FBXO16: variants seen among roughly 807,000 people sequenced by gnomAD.
FBXO16 encodes F-box only protein 16.
FBXO16 carries 31 observed loss-of-function variants against 41.0 expected under a neutral mutation model. The ratio of observed to expected loss-of-function variants is 0.76; its 90% CI spans 0.57 to 1.02. The LOEUF is 1.02. Ranked by LOEUF, FBXO16 falls within the 50% of genes least tolerant of loss-of-function variation. The pLI, the probability that FBXO16 is intolerant of heterozygous loss-of-function variation, is 0.00. For synonymous variants in FBXO16, 133 were observed against 117.8 expected (o/e 1.13, Z -0.84); for missense variants, 361 against 346.2 (o/e 1.04, Z -0.34).
intron 2 of FBXO16, among the ~76,000 whole-genome samples, chr8:28,479,636 T>A (rs1803480106): frequency 6.6e-6 from 1 of 152,224 alleles, no homozygotes; most frequent in Non-Finnish European, 1.5e-5. Flanking sequence ...GCAGATAAAC[T>A]GTTATATAAA....
At chr8:28,474,141 T>C (rs1032478146) in intron 2 of FBXO16, among the ~76,000 whole-genome samples, 3 of 151,594 alleles carry the variant, frequency 2.0e-5, no homozygotes, top group Non-Finnish European at 2.9e-5. Flanking sequence ...CTGGGCAACA[T>C]GGTGAGACTC....
chr8:28,445,555 G>T (rs1802850568), intron 7 of FBXO16, among the ~76,000 whole-genome samples: 1 of 152,086 alleles, frequency 6.6e-6, no homozygotes, highest in African/African-American at 2.4e-5. Context: ...CGACATAATG[G>T]CCCATGTGAT....
chr8:28,435,327 T>C (rs575943297), intron 7 of FBXO16, among the ~76,000 whole-genome samples: 2 of 152,154 alleles, frequency 1.3e-5, no homozygotes, highest in South Asian at 2.1e-4. Context: ...CCTACCACCA[T>C]ACCCAGCTAA....
chr8:28,457,041 G>C lies in FBXO16; in HGVS notation c.343-111C>G, dbSNP rs991862565. On this transcript the variant is annotated intron_variant, in intron 4 of 8. Coordinates refer to ENST00000380254, the MANE Select transcript of FBXO16 (RefSeq NM_172366.4). ...ATCCTGGACCTGAGAAAACTTTTTTGTCCTTTGCCTCCAAACCATAGCTTA... is the reference window on the plus strand; with the variant it reads ...ATCCTGGACCTGAGAAAACTTTTTTCTCCTTTGCCTCCAAACCATAGCTTA... The C allele has an allele frequency of 3.1e-5, 36 of 1,164,562 alleles. No homozygotes were observed. In the South Asian group the frequency reaches 6.0e-4, roughly 19 times the overall value. 72.1% of individuals were successfully genotyped at this position (1,164,562 alleles called of 1,614,324 possible).
At chr8:28,452,132 T>G in intron 6 of FBXO16, 112 bp downstream of exon 6, 1 of 1,068,856 alleles carries the variant, frequency 9.4e-7, no homozygotes, top group Non-Finnish European at 1.3e-6. Flanking sequence ...TTCTATGTAC[T>G]GAAAAGCTTT....
chr8:28,433,041 A>G (rs1174959168), intron 7 of FBXO16, among the ~76,000 whole-genome samples: 1 of 150,984 alleles, frequency 6.6e-6, no homozygotes, highest in African/African-American at 2.5e-5. Flanking sequence ...AGCCTCGGCG[A>G]CAGAGTGAGA....
chr8:28,434,022 A>G (rs1222840455), intron 7 of FBXO16, among the ~76,000 whole-genome samples: 2 of 143,008 alleles, frequency 1.4e-5, no homozygotes, highest in Non-Finnish European at 3.0e-5. Context: ...GTGCAGTGGC[A>G]CGATCTCAGC....
At chr8:28,489,873 G>A (rs1229773998) in intron 1 of FBXO16, among the ~76,000 whole-genome samples, 1 of 152,160 alleles carries the variant, frequency 6.6e-6, no homozygotes, top group Non-Finnish European at 1.5e-5. Context: ...CATCAGACAA[G>A]GGAATCTCAA....
chr8:28,441,585 A>T (rs1802775441), intron 7 of FBXO16, among the ~76,000 whole-genome samples: 1 of 151,856 alleles, frequency 6.6e-6, no homozygotes, highest in Admixed American at 6.6e-5. Flanking sequence ...AAAATACAAA[A>T]ATTAGCCAAG....
chr8:28,454,285 CA>C (rs1461237240), intron 5 of FBXO16, among the ~76,000 whole-genome samples: 2 of 151,870 alleles, frequency 1.3e-5, no homozygotes, highest in Non-Finnish European at 1.5e-5. Context: ...AATGGACATT[CA>C]TTTCATTTCC....
At chr8:28,469,040 G>A (rs951228034) in intron 3 of FBXO16, among the ~76,000 whole-genome samples, 1 of 152,102 alleles carries the variant, frequency 6.6e-6, no homozygotes, top group African/African-American at 2.4e-5. Context: ...CGGGCATGGT[G>A]GCTTATGCCT....
At chr8:28,432,110 G>A (rs1450270790) in intron 7 of FBXO16, among the ~76,000 whole-genome samples, 10 of 149,404 alleles carry the variant, frequency 6.7e-5, no homozygotes, top group African/African-American at 2.5e-4. Context: ...CACTATATAT[G>A]TGAGAGGCTA....
At chr8:28,467,029 T>G (rs1240699092) in intron 3 of FBXO16, among the ~76,000 whole-genome samples, 1 of 152,134 alleles carries the variant, frequency 6.6e-6, no homozygotes, top group African/African-American at 2.4e-5. Flanking sequence ...ACAGCCTCGA[T>G]CTCCTGGGCT....
chr8:28,468,971 A>G (rs897506289), intron 3 of FBXO16, among the ~76,000 whole-genome samples: 16 of 152,164 alleles, frequency 1.1e-4, no homozygotes. Context: ...AGTGTTCAAA[A>G]GTTTGATGTT....
intron 6 of FBXO16, chr8:28,447,561 G>C (rs572587304): frequency 2.6e-4 from 94 of 359,744 alleles, no homozygotes; most frequent in African/African-American, 1.8e-3. Flanking sequence ...GGGTGGATGA[G>C]ACGGTATGTA....
intron 4 of FBXO16, among the ~76,000 whole-genome samples, chr8:28,463,136 GTGTGTGTGTGTA>G (rs1803164218): frequency 6.6e-6 from 1 of 151,798 alleles, no homozygotes; most frequent in African/African-American, 2.4e-5. Flanking sequence ...TCTTAGTTTT[GTGTGTGTGTGTA>G]TGTTTGTGTG....
chr8:28,434,177 T>A (rs975254514), intron 7 of FBXO16, among the ~76,000 whole-genome samples: 2 of 152,154 alleles, frequency 1.3e-5, no homozygotes, highest in Non-Finnish European at 2.9e-5. Flanking sequence ...GCCAGGCTGG[T>A]CTTGAACTCC....
At chr8:28,466,524 G>T (rs1803244332) in intron 3 of FBXO16, among the ~76,000 whole-genome samples, 3 of 151,970 alleles carry the variant, frequency 2.0e-5, no homozygotes. Flanking sequence ...AGGCGCGGTG[G>T]CTCACACCTG....
intron 1 of FBXO16, among the ~76,000 whole-genome samples, chr8:28,483,945 A>G (rs1037032126): frequency 6.6e-6 from 1 of 152,200 alleles, no homozygotes; most frequent in Non-Finnish European, 1.5e-5. Flanking sequence ...CACTTCATAC[A>G]TCTCCTCAAT....
Sources: allele counts gnomAD v4.1 joint callset (sites outside exome capture counted in the v4.1 genomes callset), GRCh38; gene constraint gnomAD v4.1.1; transcripts MANE v1.5; gene names NCBI Gene and HGNC (gene_info 2026-07-23, HGNC 2026-07-21).